MIER2: variants seen among roughly 807,000 people sequenced by gnomAD.
MIER2 encodes the protein mesoderm induction early response protein 2.
Under a neutral mutation model 67.6 loss-of-function variants are expected in MIER2, and 30 were observed. The ratio of observed to expected loss-of-function variants is 0.44; its 90% CI spans 0.33 to 0.60. The LOEUF (loss-of-function observed/expected upper bound fraction) is 0.60, where lower values mean the gene tolerates loss of function less well. Among genes scored for constraint, MIER2 ranks in the 20% least tolerant of loss-of-function variants. The pLI is 0.02. For synonymous variants in MIER2, 372 were observed against 312.6 expected, an observed-to-expected ratio of 1.19 and a Z score of -2.00; for missense variants, 702 against 745.1, an observed-to-expected ratio of 0.94 and a Z score of 0.67.
At chr19:337,087 G>C (rs555417713) in intron 1 of MIER2, among the ~76,000 whole-genome samples, 6 of 151,934 alleles carry the variant, frequency 3.9e-5, no homozygotes, top group Non-Finnish European at 7.4e-5. Flanking sequence ...CAAGTGATCC[G>C]CCCGCCTCGG....
intron 1 of MIER2, chr19:344,486 T>TCCCTC: frequency 1.8e-6 from 1 of 542,598 alleles, no homozygotes; most frequent in Non-Finnish European, 2.3e-6. Context: ...CCGCCCCGCG[T>TCCCTC]CCCTCCCCTC....
rs2289873 is a variant in MIER2 at position 334,673 on chromosome 19, G to A, written c.101-131C>T. 189 of 1,267,924 alleles carry A rather than the reference G, an allele frequency of 1.5e-4. 1 individual carries two copies. The East Asian group carries it at 4.6e-3, about 31-fold the overall frequency. The allele number at this position is 1,267,924 out of a possible 1,614,324, so 78.5% of individuals were successfully genotyped here. The stretch of plus-strand genomic sequence containing the variant: ...ATGCTGCCAGGATCAGCCTCATGAG[G>A]GAACCCAACAGGACACCCCACGACT... On this transcript the variant is annotated intron_variant, in intron 2 of 13. Transcript: ENST00000264819.
intron 3 of MIER2, among the ~76,000 whole-genome samples, chr19:329,866 CAAA>C (rs36067469): frequency 2.0e-4 from 19 of 94,770 alleles, no homozygotes; most frequent in Admixed American, 7.0e-4. Flanking sequence ...TACTCCGTCT[CAAA>C]AAAAAAAAAA....
In MIER2 at chr19:306,537, C is replaced by A. The variant is rs1457567549; in HGVS notation, c.*153G>T. ...ACAGGGGCAAGGGCTCACGGCCCAG[C>A]CACCTCACCCCAGTCCTGACGTGTT... On this transcript the variant is annotated 3_prime_UTR_variant, in exon 14 of 14. Transcript: ENST00000264819. 2.9e-6 allele frequency: 3 copies of A among 1,042,508 alleles called. No individual in the cohort carries two copies. Among genetic ancestry groups the A allele is most frequent in the Non-Finnish European group, 4.2e-6 (3 of 710,108 alleles). The allele number at this position is 1,042,508 out of a possible 1,614,324, so 64.6% of individuals were successfully genotyped here. A position where few individuals can be genotyped will look rare whatever the true frequency, so the allele number is the denominator to read the frequency against.
intron 7 of MIER2, among the ~76,000 whole-genome samples, chr19:323,498 A>T (rs1688338578): frequency 1.3e-5 from 2 of 152,034 alleles, no homozygotes; most frequent in African/African-American, 4.8e-5. Context: ...TACACAGGAT[A>T]CAACCACACA....
intron 7 of MIER2, among the ~76,000 whole-genome samples, chr19:315,182 T>C (rs546658359): frequency 6.6e-6 from 1 of 151,890 alleles, no homozygotes; most frequent in Admixed American, 6.6e-5. Flanking sequence ...CTGGCAAACA[T>C]GGCGAAACCC....
At chr19:318,603 C>T (rs945323022) in intron 7 of MIER2, among the ~76,000 whole-genome samples, 1 of 152,170 alleles carries the variant, frequency 6.6e-6, no homozygotes, top group African/African-American at 2.4e-5. Context: ...AGGGAATACA[C>T]GGAAAATTCC....
At chr19:334,960 G>A (rs1428693003) in intron 2 of MIER2, among the ~76,000 whole-genome samples, 7 of 152,320 alleles carry the variant, frequency 4.6e-5, no homozygotes, top group Admixed American at 3.9e-4. Context: ...CACCTGCACA[G>A]GTCAGTACAG....
intron 10 of MIER2, among the ~76,000 whole-genome samples, chr19:310,498 G>A (rs1379677628): frequency 2.3e-5 from 3 of 132,570 alleles, no homozygotes; most frequent in African/African-American, 6.4e-5. Flanking sequence ...AAACACGGCC[G>A]GGAGTTACAA....
chr19:327,041 G>GCATCA, intron 5 of MIER2, 92 bp downstream of exon 5: 1 of 1,481,800 alleles, frequency 6.7e-7, no homozygotes, highest in Non-Finnish European at 9.0e-7. Flanking sequence ...ATGAGTTCTT[G>GCATCA]GCCTGCATCA....
chr19:317,744 A>AC (rs1245239970), intron 7 of MIER2, among the ~76,000 whole-genome samples: 4 of 150,144 alleles, frequency 2.7e-5, no homozygotes, highest in African/African-American at 7.3e-5. Flanking sequence ...AAAAAAAAAA[A>AC]AAACAAACAA....
intron 8 of MIER2, 42 bp from the exon 9 acceptor site, chr19:312,314 G>A: frequency 6.3e-7 from 1 of 1,586,602 alleles, no homozygotes; most frequent in East Asian, 2.2e-5. Flanking sequence ...GCTCAGCGCA[G>A]GAGCCGACAG....
chr19:324,990 G>C (rs1971676047), intron 7 of MIER2, among the ~76,000 whole-genome samples: 1 of 152,186 alleles, frequency 6.6e-6, no homozygotes, highest in Non-Finnish European at 1.5e-5. Context: ...TGTCTCCCTG[G>C]ACTCAGTACT....
chr19:338,296 C>T (rs926525975), intron 1 of MIER2, among the ~76,000 whole-genome samples: 9 of 150,664 alleles, frequency 6.0e-5, no homozygotes, highest in Non-Finnish European at 1.2e-4. Flanking sequence ...GGTTGCAGTA[C>T]ACAAAATCAA....
chr19:344,459 G>A, intron 1 of MIER2: 3 of 826,298 alleles, frequency 3.6e-6, no homozygotes, highest in Non-Finnish European at 4.4e-6. Context: ...GCGCCCACCG[G>A]ACCCCCGACA....
chr19:337,218 A>C (rs1488607358), intron 1 of MIER2, among the ~76,000 whole-genome samples: 1 of 152,198 alleles, frequency 6.6e-6, no homozygotes, highest in Non-Finnish European at 1.5e-5. Context: ...CATAAAGATG[A>C]TTATAAGCCA....
chr19:340,830 A>G (rs979379673), intron 1 of MIER2, among the ~76,000 whole-genome samples: 3 of 152,104 alleles, frequency 2.0e-5, no homozygotes, highest in Admixed American at 1.3e-4. Flanking sequence ...CCAGCTTTAG[A>G]AAGTTTAGCT....
intron 7 of MIER2, among the ~76,000 whole-genome samples, chr19:314,176 C>T (rs72984437): frequency 1.7e-4 from 26 of 152,120 alleles, no homozygotes; most frequent in African/African-American, 5.8e-4. Context: ...TAGGCACTGT[C>T]GCGCTCTAAC....
At chr19:322,601 G>A (rs749888025) in intron 7 of MIER2, among the ~76,000 whole-genome samples, 1 of 152,052 alleles carries the variant, frequency 6.6e-6, no homozygotes, top group Non-Finnish European at 1.5e-5. Context: ...CCAGGGAAAT[G>A]CCAATTAAAA....
Sources: gnomAD v4.1 joint callset for allele counts (sites outside exome capture counted in the v4.1 genomes callset) on GRCh38, gnomAD v4.1.1 for gene constraint, MANE v1.5 for transcripts, NCBI Gene and HGNC (gene_info 2026-07-23, HGNC 2026-07-21) for gene names.